Variants in MID1 observed in about 807,000 individuals in gnomAD.
MID1 encodes E3 ubiquitin-protein ligase Midline-1.
In MID1, 7 loss-of-function variants were observed where a neutral mutation model predicts 40.4. The ratio of observed to expected loss-of-function variants is 0.17; its 90% CI spans 0.10 to 0.33. The LOEUF (loss-of-function observed/expected upper bound fraction) is 0.33, where lower values mean the gene tolerates loss of function less well. Among genes scored for constraint, MID1 ranks in the 10% least tolerant of loss-of-function variants. The pLI is 1.00. For synonymous variants in MID1, 229 were observed against 221.2 expected, an observed-to-expected ratio of 1.04 and a Z score of -0.31; for missense variants, 367 against 558.5, an observed-to-expected ratio of 0.66 and a Z score of 3.46.
intron 5 of MID1, 141 bp downstream of exon 5, chrX:10,482,339 A>G: frequency 1.5e-6 from 1 of 675,446 alleles, no homozygotes; most frequent in Admixed American, 2.4e-5. Flanking sequence ...TAGCTGGAAC[A>G]AAACAGCTCA....
chrX:10,787,529 C>CCTCCT (rs2043895698), intron 1 of MID1, among the ~76,000 whole-genome samples: 1 of 3,916 alleles, frequency 2.6e-4, no homozygotes, highest in Non-Finnish European at 4.7e-4. Flanking sequence ...CCTCCCCTCC[C>CCTCCT]CTCCCCTCCC....
At chrX:10,802,344 CAAAT>C (rs1232318989) in intron 1 of MID1, among the ~76,000 whole-genome samples, 5 of 111,202 alleles carry the variant, frequency 4.5e-5, no homozygotes, top group African/African-American at 9.8e-5. Context: ...TGTAAAAAAA[CAAAT>C]AACCCATCAA....
At chrX:10,723,063 T>G (rs2043368245) in intron 1 of MID1, among the ~76,000 whole-genome samples, 1 of 111,214 alleles carries the variant, frequency 9.0e-6, no homozygotes, top group Non-Finnish European at 1.9e-5. Context: ...CAAGGGTGTT[T>G]CTGGAACAAA....
intron 1 of MID1, among the ~76,000 whole-genome samples, chrX:10,714,793 G>T (rs774652995): frequency 6.3e-5 from 7 of 111,474 alleles, no homozygotes; most frequent in Non-Finnish European, 1.1e-4. Context: ...CTGCCAAAAT[G>T]TTAACATAAG....
intron 1 of MID1, among the ~76,000 whole-genome samples, chrX:10,741,805 G>A (rs759171553): frequency 7.2e-5 from 8 of 111,168 alleles, no homozygotes; most frequent in South Asian, 3.8e-4. Flanking sequence ...TAGATGCTTC[G>A]TCATTCTAAG....
intron 3 of MID1, among the ~76,000 whole-genome samples, chrX:10,500,220 AC>A (rs887710780): frequency 8.9e-6 from 1 of 112,185 alleles, no homozygotes; most frequent in African/African-American, 3.2e-5. Context: ...TATTTGATTT[AC>A]AGAATGGATA....
At chrX:10,624,050 C>G (rs1366775169), upstream of MID1, among the ~76,000 whole-genome samples, 1 of 112,403 alleles carries the variant, frequency 8.9e-6, no homozygotes, top group East Asian at 2.8e-4. Context: ...AAAAAAGTTT[C>G]TACTTCCTGT....
chrX:10,459,095 C>A (rs1479545923), intron 8 of MID1, among the ~76,000 whole-genome samples: 1 of 110,901 alleles, frequency 9.0e-6, no homozygotes, highest in South Asian at 3.9e-4. Context: ...CATCCCTGGC[C>A]TCTACTCACT....
chrX:10,467,085 C>G (rs1929425601), intron 7 of MID1, among the ~76,000 whole-genome samples: 1 of 111,075 alleles, frequency 9.0e-6, no homozygotes, highest in Non-Finnish European at 1.9e-5. Flanking sequence ...GCTAAATAAA[C>G]ATCTATAGAA....
rs564155405 is a variant in MID1, at chrX:10,818,067, C to A, written c.-187+15487G>T. ...ATTTTGTTGTTGATTAGGGTTTTTG[C>A]TCTATCGAAATAACATCTTCAGGAC... On this transcript the variant is annotated intron_variant, in intron 1 of 10. Transcript: ENST00000380785. Among the ~76,000 whole-genome samples, 38 of 112,215 alleles carry A rather than the reference C, an allele frequency of 3.4e-4. 1 individual carries two copies. The South Asian group carries it at 0.013, about 38-fold the overall frequency.
intron 1 of MID1, among the ~76,000 whole-genome samples, chrX:10,609,705 T>C (rs1386759687): frequency 9.5e-6 from 1 of 105,659 alleles, no homozygotes; most frequent in South Asian, 4.0e-4. Flanking sequence ...TTTTCTTTCT[T>C]TCTTTCTTTC....
At chrX:10,689,663 G>C (rs2043120650) in intron 1 of MID1, among the ~76,000 whole-genome samples, 1 of 109,065 alleles carries the variant, frequency 9.2e-6, no homozygotes, top group African/African-American at 3.3e-5. Context: ...TTGTATTCTA[G>C]TCTTGTGATA....
chrX:10,475,610 T>G (rs1419890987), intron 5 of MID1, among the ~76,000 whole-genome samples: 2 of 112,282 alleles, frequency 1.8e-5, no homozygotes, highest in Non-Finnish European at 3.8e-5. Flanking sequence ...GCATACCATT[T>G]CTGAGCATAT....
chrX:10,628,848 G>A, intron 1 of MID1, among the ~76,000 whole-genome samples: 1 of 112,189 alleles, frequency 8.9e-6, no homozygotes. Flanking sequence ...ATCTATCATG[G>A]ACCAGTTATA....
intron 1 of MID1, among the ~76,000 whole-genome samples, chrX:10,743,884 G>A (rs2043542474): frequency 9.0e-6 from 1 of 111,420 alleles, no homozygotes; most frequent in African/African-American, 3.3e-5. Context: ...CCCCCGCCCT[G>A]CACCCCACCA....
rs527465844 is a variant in MID1 at position 10,761,791 on chromosome X, G to T, written c.-187+71763C>A. Among the ~76,000 whole-genome samples, 3 of 112,046 alleles carry T rather than the reference G, an allele frequency of 2.7e-5. No individual in the cohort carries two copies. In the Admixed American group the frequency reaches 2.9e-4, roughly 11 times the overall value. On this transcript the variant is annotated intron_variant, in intron 1 of 10. Transcript: ENST00000380785. ...TTTTTCTAAGCCACTATGTATGAAG[G>T]TAGTTTGTTATGGGGAATTAGGTAA...
At chrX:10,615,481 T>C (rs1935823840) in intron 1 of MID1, among the ~76,000 whole-genome samples, 1 of 112,604 alleles carries the variant, frequency 8.9e-6, no homozygotes, top group African/African-American at 3.2e-5. Context: ...CCACTTGTAC[T>C]ACAAATGATC....
intron 1 of MID1, among the ~76,000 whole-genome samples, chrX:10,685,912 A>C (rs1319197073): frequency 9.1e-6 from 1 of 109,305 alleles, no homozygotes; most frequent in Non-Finnish European, 1.9e-5. Flanking sequence ...ACACACACAC[A>C]CACACACTCA....
intron 1 of MID1, among the ~76,000 whole-genome samples, chrX:10,571,666 C>A (rs1009452125): frequency 4.6e-5 from 5 of 109,760 alleles, no homozygotes; most frequent in Non-Finnish European, 7.6e-5. Flanking sequence ...GTAATCCCAG[C>A]ACTTTGGGAG....
Sources: gnomAD v4.1 joint callset for allele counts (sites outside exome capture counted in the v4.1 genomes callset) on GRCh38, gnomAD v4.1.1 for gene constraint, MANE v1.5 for transcripts, NCBI Gene and HGNC (gene_info 2026-07-23, HGNC 2026-07-21) for gene names.